Variants in TRRAP observed in about 807,000 individuals in gnomAD.
TRRAP encodes transformation/transcription domain associated protein.
A neutral mutation model predicts 438.8 loss-of-function variants in TRRAP; 41 were observed. That is an observed-to-expected ratio of 0.09 (90% CI 0.07 to 0.12). The LOEUF is 0.12. Among genes scored for constraint, TRRAP ranks in the 10% least tolerant of loss-of-function variants. The pLI is 1.00. For synonymous variants in TRRAP, 1,994 were observed against 1,962.9 expected, an observed-to-expected ratio of 1.02 and a Z score of -0.42; for missense variants, 3,122 against 5,055.1, an observed-to-expected ratio of 0.62 and a Z score of 11.60.
chr7:98,910,822 A>C (rs1554408607), intron 16 of TRRAP, among the ~76,000 whole-genome samples: 1 of 152,152 alleles, frequency 6.6e-6, no homozygotes, highest in Non-Finnish European at 1.5e-5. Flanking sequence ...AGATAGTGTA[A>C]ACGGAATGCA....
chr7:98,939,421 C>CT (rs1790696779), intron 30 of TRRAP, among the ~76,000 whole-genome samples: 2 of 152,148 alleles, frequency 1.3e-5, no homozygotes, highest in Non-Finnish European at 2.9e-5. Flanking sequence ...AGACACGTAG[C>CT]TTTTTACCTC....
intron 3 of TRRAP, among the ~76,000 whole-genome samples, chr7:98,889,076 T>C (rs73409107): frequency 0.15 from 20,580 of 140,968 alleles, 4,830 homozygotes; most frequent in African/African-American, 0.5. Flanking sequence ...TGATATGAGG[T>C]CTTGCTATAT....
intron 57 of TRRAP, among the ~76,000 whole-genome samples, 178 bp from the exon 58 acceptor site, chr7:98,978,591 G>C (rs1792774175): frequency 6.6e-6 from 1 of 152,162 alleles, no homozygotes; most frequent in Non-Finnish European, 1.5e-5. Context: ...TGGTGTCCAG[G>C]GTGGGCAGGG....
intron 7 of TRRAP, among the ~76,000 whole-genome samples, chr7:98,896,402 C>T (rs1796205271): frequency 6.6e-6 from 1 of 151,850 alleles, no homozygotes. Context: ...AATCATAATT[C>T]TTTCTTTTTT....
chr7:98,899,341 G>C lies in TRRAP; in HGVS notation c.634-81G>C, dbSNP rs1474500795. 2.7e-6 allele frequency: 3 copies of C among 1,119,192 alleles called. No individual in the cohort carries two copies. In the African/African-American group the frequency reaches 4.6e-5, roughly 17 times the overall value. 69.3% of individuals were successfully genotyped at this position (1,119,192 alleles called of 1,614,324 possible). On this transcript the variant is annotated intron_variant, in intron 8 of 72. Coordinates refer to ENST00000456197, the MANE Select transcript of TRRAP (RefSeq NM_001375524.1). ...GTTTTCCGTTCTCTCTCTTTCAGTG[G>C]GTGATGCTCAGTGGGCACTGGTGGG...
chr7:98,973,636 C>A (rs1792518247), intron 53 of TRRAP, among the ~76,000 whole-genome samples: 1 of 152,178 alleles, frequency 6.6e-6, no homozygotes, highest in South Asian at 2.1e-4. Context: ...ACAGATGTCC[C>A]CATGGTCTTC....
rs562116598 is a variant in TRRAP, at chr7:98,944,698, GTAGT to G, written c.4474-1043_4474-1040del. 5.3e-4 allele frequency among the ~76,000 whole-genome samples: 80 copies of G among 152,358 alleles called. 1 individual carries two copies. Among genetic ancestry groups the G allele is most frequent in the African/African-American group, 1.8e-3 (76 of 41,582 alleles). The stretch of plus-strand genomic sequence containing the variant: ...TCTGACCATATTTTAATCTTGGAAA[GTAGT>G]TAGTTCCTGTTTGGTGGAATCCCCA... On this transcript the variant is annotated intron_variant, in intron 31 of 72. Coordinates refer to ENST00000456197, the MANE Select transcript of TRRAP (RefSeq NM_001375524.1).
In TRRAP at chr7:98,964,659, G is replaced by A. The variant is rs780924304; in HGVS notation, c.6860G>A (p.Ser2287Asn). The change falls in exon 48 of 73, where the codon AGC becomes AAC. Residue 2287 changes from serine to asparagine, a missense_variant. By Grantham distance (46) the Ser-to-Asn change is conservative. Transcript: ENST00000456197. The stretch of plus-strand genomic sequence containing the variant: ...CTTATGATCCTCAAGTCTGCCTGCA[G>A]CAACAACCCCAGCTACATAGACAGG... The part of the protein sequence containing the change: ...GTLMILKSAC[S>N]NNPSYIDRLI... 1.9e-6 allele frequency: 3 copies of A among 1,613,834 alleles called. No individual in the cohort carries two copies. Among genetic ancestry groups the A allele is most frequent in the Non-Finnish European group, 2.5e-6 (3 of 1,179,902 alleles).
chr7:98,982,894 C>T (rs1483227690), intron 59 of TRRAP, among the ~76,000 whole-genome samples: 1 of 152,114 alleles, frequency 6.6e-6, no homozygotes, highest in Non-Finnish European at 1.5e-5. Flanking sequence ...CTGTCCCGAC[C>T]TTAGGCATTG....
chr7:98,949,524 C>T lies in TRRAP; in HGVS notation c.4896C>T (p.Arg1632=), dbSNP rs1584349199. ...CGGGGGGTGCCCAGACGGCTGTGCGCCCCGGTTCGCCCAGCACCAGCACCA... is the reference window on the plus strand; with the variant it reads ...CGGGGGGTGCCCAGACGGCTGTGCGTCCCGGTTCGCCCAGCACCAGCACCA... ...LLPGGAQTAV[R]PGSPSTSTMR... Residue 1632 remains arginine, a synonymous_variant, in exon 36 of 73, where the codon CGC becomes CGT. Transcript: ENST00000456197. 1.2e-6 allele frequency: 2 copies of T among 1,605,782 alleles called. No individual in the cohort carries two copies. The highest frequency in any genetic ancestry group is 1.7e-6 in the Non-Finnish European group (2 of 1,176,648).
intron 31 of TRRAP, among the ~76,000 whole-genome samples, chr7:98,944,394 T>C (rs1790946546): frequency 6.6e-6 from 1 of 152,052 alleles, no homozygotes; most frequent in Admixed American, 6.5e-5. Flanking sequence ...AGTTAGCAGA[T>C]TATTTGGAGG....
chr7:98,929,898 A>G (rs1024290987), intron 23 of TRRAP, 91 bp from the exon 24 acceptor site: 11 of 1,400,416 alleles, frequency 7.9e-6, no homozygotes, highest in Non-Finnish European at 1.1e-5. Flanking sequence ...CCTGCTTTTT[A>G]TGGAGTTTCT....
At chr7:98,914,718 CAAAAAAAAAAAAAA>C (rs71118646) in intron 18 of TRRAP, among the ~76,000 whole-genome samples, 2 of 41,292 alleles carry the variant, frequency 4.8e-5, no homozygotes, top group Non-Finnish European at 4.6e-5. Context: ...GACCCTGTCT[CAAAAAAAAAAAAAA>C]AAAAAAAAAA....
At chr7:98,927,916 G>A (rs939202270) in intron 23 of TRRAP, among the ~76,000 whole-genome samples, 2 of 152,072 alleles carry the variant, frequency 1.3e-5, no homozygotes, top group African/African-American at 4.8e-5. Context: ...TTTTATTTCC[G>A]ATCCATTGTA....
At chr7:98,988,504 A>T (rs1793248458) in intron 62 of TRRAP, among the ~76,000 whole-genome samples, 1 of 152,220 alleles carries the variant, frequency 6.6e-6, no homozygotes, top group Non-Finnish European at 1.5e-5. Flanking sequence ...AAGAAGCCAG[A>T]TTCAAAAGAT....
intron 3 of TRRAP, among the ~76,000 whole-genome samples, chr7:98,887,744 A>C (rs10244658): frequency 2.5e-4 from 38 of 149,104 alleles, no homozygotes; most frequent in African/African-American, 9.4e-4. Context: ...AAAAAAAAAA[A>C]AAAAAACTGC....
intron 4 of TRRAP, 94 bp downstream of exon 4, chr7:98,890,539 C>A: frequency 1.2e-6 from 1 of 857,616 alleles, no homozygotes; most frequent in Non-Finnish European, 1.7e-6. Flanking sequence ...CACTTAAAAA[C>A]GAAAGAGGTT....
intron 67 of TRRAP, among the ~76,000 whole-genome samples, chr7:99,002,423 C>T (rs1448849484): frequency 6.6e-6 from 1 of 152,166 alleles, no homozygotes; most frequent in Non-Finnish European, 1.5e-5. Context: ...GTACATGGGA[C>T]TTTCTGTATA....
chr7:99,006,906 G>C (rs1210440982), intron 69 of TRRAP, among the ~76,000 whole-genome samples: 1 of 152,218 alleles, frequency 6.6e-6, no homozygotes, highest in Non-Finnish European at 1.5e-5. Context: ...CAAGTCTGGT[G>C]CTGCTCCCCA....
Sources: allele counts gnomAD v4.1 joint callset (sites outside exome capture counted in the v4.1 genomes callset), GRCh38; gene constraint gnomAD v4.1.1; transcripts MANE v1.5; gene names NCBI Gene and HGNC (gene_info 2026-07-23, HGNC 2026-07-21).